Variants in SLC4A4 observed in about 807,000 individuals in gnomAD.
The protein encoded by SLC4A4 is solute carrier family 4 member 4.
SLC4A4 carries 27 observed loss-of-function variants against 111.5 expected under a neutral mutation model. The observed-to-expected ratio is 0.24, with a 90% CI of 0.18 to 0.33. The LOEUF is 0.33. SLC4A4 is among the 10% of genes least tolerant of loss of function. The pLI is 1.00. For missense variants in SLC4A4, 909 were observed against 1,315.5 expected, an observed-to-expected ratio of 0.69 and a Z score of 4.78; for synonymous variants, 443 against 463.4, an observed-to-expected ratio of 0.96 and a Z score of 0.57.
At chr4:71,176,975 A>G (rs1163714201) in intron 2 of SLC4A4, among the ~76,000 whole-genome samples, 1 of 152,214 alleles carries the variant, frequency 6.6e-6, no homozygotes, top group Admixed American at 6.5e-5. Flanking sequence ...CTAACAGCTG[A>G]TCTCTTGGCA....
rs577357849 is a variant in SLC4A4 at position 71,487,743 on chromosome 4, G to A, written c.1974+725G>A. 1.2e-4 allele frequency among the ~76,000 whole-genome samples: 18 copies of A among 151,672 alleles called. No individual in the cohort carries two copies. In the East Asian group the frequency reaches 3.5e-3, roughly 30 times the overall value. On this transcript the variant is annotated intron_variant, in intron 15 of 25. Transcript: ENST00000264485. ...TGTTGATAGAGTGCCCATCTCTCAG[G>A]AGACCCGGACATTTCTACAGATATT...
chr4:71,426,393 A>C (rs918064804), intron 7 of SLC4A4, among the ~76,000 whole-genome samples: 1 of 152,120 alleles, frequency 6.6e-6, no homozygotes, highest in African/African-American at 2.4e-5. Context: ...TAATTGTCTT[A>C]GAATTCAAAA....
At chr4:71,318,921 C>T (rs999603097) in intron 3 of SLC4A4, among the ~76,000 whole-genome samples, 1 of 150,900 alleles carries the variant, frequency 6.6e-6, no homozygotes, top group Non-Finnish European at 1.5e-5. Flanking sequence ...GACTTCCTAA[C>T]ATCTCCACTA....
At chr4:71,111,517 C>T (rs1019024071) in intron 2 of SLC4A4, among the ~76,000 whole-genome samples, 6 of 136,800 alleles carry the variant, frequency 4.4e-5, no homozygotes, top group African/African-American at 1.1e-4. Flanking sequence ...CCTGCCACCA[C>T]GCTCAGGTTT....
intron 2 of SLC4A4, among the ~76,000 whole-genome samples, chr4:71,136,670 C>G (rs1743854452): frequency 6.6e-6 from 1 of 152,086 alleles, no homozygotes; most frequent in Non-Finnish European, 1.5e-5. Flanking sequence ...TAACTTTGAG[C>G]AAGTTACATA....
intron 7 of SLC4A4, chr4:71,437,173 C>G (rs975785471): frequency 6.9e-6 from 3 of 436,680 alleles, no homozygotes; most frequent in African/African-American, 2.1e-5. Context: ...AATATTGACT[C>G]CACTCCACAC....
intron 23 of SLC4A4, among the ~76,000 whole-genome samples, chr4:71,561,733 G>A (rs1031453): frequency 0.66 from 99,287 of 151,574 alleles, 33,658 homozygotes; most frequent in Non-Finnish European, 0.74. Flanking sequence ...GTAATAGTCC[G>A]AAGAACGATG....
intron 18 of SLC4A4, among the ~76,000 whole-genome samples, chr4:71,538,603 A>C (rs115091198): frequency 6.6e-6 from 1 of 152,158 alleles, no homozygotes; most frequent in South Asian, 2.1e-4. Flanking sequence ...CTTAACTGCT[A>C]TGAAATTGTT....
chr4:71,409,760 C>G (rs1434128702), intron 7 of SLC4A4, among the ~76,000 whole-genome samples: 1 of 152,058 alleles, frequency 6.6e-6, no homozygotes, highest in African/African-American at 2.4e-5. Flanking sequence ...GTCTTCAGGC[C>G]ATGTCAGAGA....
At chr4:71,556,390 C>G (rs1328671519) in intron 21 of SLC4A4, among the ~76,000 whole-genome samples, 1 of 151,860 alleles carries the variant, frequency 6.6e-6, no homozygotes, top group East Asian at 1.9e-4. Flanking sequence ...AAATGTGAAA[C>G]AGAAATGGCC....
intron 5 of SLC4A4, among the ~76,000 whole-genome samples, chr4:71,355,927 G>T (rs1324487572): frequency 6.6e-6 from 1 of 152,200 alleles, no homozygotes; most frequent in Non-Finnish European, 1.5e-5. Flanking sequence ...ATCAGTGTGT[G>T]CTAGATGCAT....
chr4:71,097,408 C>G lies in SLC4A4; in HGVS notation c.-2+4616C>G, dbSNP rs146048389. Among the ~76,000 whole-genome samples the G allele has an allele frequency of 4.6e-5, 7 of 152,326 alleles. No homozygotes were observed. The East Asian group carries it at 1.3e-3, about 29-fold the overall frequency. On this transcript the variant is annotated intron_variant, in intron 2 of 26. Transcript: ENST00000649996. ...CCATGGTGTATATATACCACATTTT[C>G]TTTACCCATCTGTCACTGATGTGCA...
intron 1 of SLC4A4, chr4:71,235,998 C>A (rs1485919993): frequency 2.0e-6 from 2 of 976,654 alleles, no homozygotes; most frequent in Admixed American, 1.2e-4. Context: ...TCAAAGCTTG[C>A]CACTCAACAG....
At chr4:71,196,772 T>C (rs1291485443) in intron 1 of SLC4A4, among the ~76,000 whole-genome samples, 1 of 128,196 alleles carries the variant, frequency 7.8e-6, no homozygotes, top group Non-Finnish European at 1.5e-5. Context: ...AGGCAGAGGC[T>C]GCAGTGAGCC....
chr4:71,254,842 CCTT>C (rs1212049882), intron 2 of SLC4A4, among the ~76,000 whole-genome samples: 2 of 152,194 alleles, frequency 1.3e-5, no homozygotes, highest in African/African-American at 2.4e-5. Flanking sequence ...TTAAGTCTCT[CCTT>C]CTAGAAATGA....
intron 7 of SLC4A4, among the ~76,000 whole-genome samples, chr4:71,418,330 G>GT (rs1722007343): frequency 6.6e-6 from 1 of 152,156 alleles, no homozygotes; most frequent in Non-Finnish European, 1.5e-5. Flanking sequence ...TTGAAGTAGT[G>GT]TTTTTTGGAA....
At chr4:71,345,534 A>T (rs1373282076) in intron 4 of SLC4A4, among the ~76,000 whole-genome samples, 1 of 152,116 alleles carries the variant, frequency 6.6e-6, no homozygotes, top group African/African-American at 2.4e-5. Flanking sequence ...ACACAAGCCA[A>T]CAAAGGAAAG....
At chr4:71,119,618 G>A (rs1360162764) in intron 2 of SLC4A4, among the ~76,000 whole-genome samples, 1 of 152,112 alleles carries the variant, frequency 6.6e-6, no homozygotes, top group East Asian at 1.9e-4. Context: ...GTATCATCAT[G>A]ATGTGTATCA....
rs1696996407 is a variant in SLC4A4, at chr4:71,561,101, A to G, written c.3099+847A>G. On this transcript the variant is annotated intron_variant, in intron 23 of 25. Coordinates refer to ENST00000264485, the MANE Select transcript of SLC4A4 (RefSeq NM_001098484.3). ...ATTTGCTCTGGATTTTACACAGTGC[A>G]GTATCACAAATGATTTTTTGTGCCT... 2.6e-5 allele frequency among the ~76,000 whole-genome samples: 4 copies of G among 151,916 alleles called. No homozygotes were observed. In the South Asian group the frequency reaches 8.3e-4, roughly 31 times the overall value.
Sources: gnomAD v4.1 joint callset for allele counts (sites outside exome capture counted in the v4.1 genomes callset) on GRCh38, gnomAD v4.1.1 for gene constraint, MANE v1.5 for transcripts, NCBI Gene and HGNC (gene_info 2026-07-23, HGNC 2026-07-21) for gene names.